The following NOTCH3 variants were observed in gnomAD, a reference collection of about 807,000 sequenced individuals.
NOTCH3 encodes the protein neurogenic locus notch homolog protein 3.
In NOTCH3, 86 loss-of-function variants were observed where a neutral mutation model predicts 213.3. That is an observed-to-expected ratio of 0.40 (90% CI 0.34 to 0.48). NOTCH3 has a LOEUF of 0.48. Ranked by LOEUF, NOTCH3 falls within the 20% of genes least tolerant of loss-of-function variation. NOTCH3 has a pLI of 0.57. For missense variants in NOTCH3, 2,783 were observed against 3,272.6 expected, an observed-to-expected ratio of 0.85 and a Z score of 3.65; for synonymous variants, 1,354 against 1,355.9, an observed-to-expected ratio of 1.00 and a Z score of 0.03.
At position 15,197,648 on chromosome 19, in the gene NOTCH3, C is replaced by G. The variant is rs977898629; in HGVS notation, c.119-70G>C. 5 of 1,327,902 alleles carry G rather than the reference C, an allele frequency of 3.8e-6. No individual in the cohort carries two copies. In the African/African-American group the frequency reaches 5.7e-5, roughly 15 times the overall value. The allele number at this position is 1,327,902 out of a possible 1,614,324, so 82.3% of individuals were successfully genotyped here. ...GAACCCCAGGCCCAAGTGACAAACC[C>G]CCTCCCTCCCTCCACCAGGCAACAG... On this transcript the variant is annotated intron_variant, in intron 1 of 32. Transcript: ENST00000263388.
chr19:15,175,879 G>C (rs778963989), intron 24 of NOTCH3, among the ~76,000 whole-genome samples: 15 of 151,582 alleles, frequency 9.9e-5, no homozygotes, highest in Non-Finnish European at 1.6e-4. Context: ...GAGTGAGTGA[G>C]GGGAAAGCAG....
chr19:15,197,166 A>G (rs1162381007), intron 2 of NOTCH3, among the ~76,000 whole-genome samples: 1 of 151,936 alleles, frequency 6.6e-6, no homozygotes, highest in Non-Finnish European at 1.5e-5. Flanking sequence ...AATAATACCT[A>G]CCTCATGGGG....
At position 15,180,870 on chromosome 19, in the gene NOTCH3, G is replaced by A. The variant is rs760079227; in HGVS notation, c.2995-42C>T. On this transcript the variant is annotated intron_variant, in intron 18 of 32. Transcript: ENST00000263388. ...CAGAGTCAGTACTGTGGGGTGGGGG[G>A]TAGTCTGGGAGAAACTGTGCCCCGA... 6 of 1,608,488 alleles carry A rather than the reference G, an allele frequency of 3.7e-6. No homozygotes were observed. The African/African-American group carries it at 5.3e-5, about 14-fold the overall frequency.
Position 15,159,714 on chromosome 19 carries a change from G to A in NOTCH3, c.*948C>T, listed in dbSNP as rs2046623678. 4.3e-6 allele frequency: 1 copy of A among 232,982 alleles called. No individual in the cohort carries two copies. Among genetic ancestry groups the A allele is most frequent in the East Asian group, 6.0e-5 (1 of 16,550 alleles). The allele number at this position is 232,982 out of a possible 1,614,324, so 14.4% of individuals were successfully genotyped here. ...AGGGCTTGGGAATTCAGCTACACAG[G>A]GATTTTGACCAGAAGCCATATTACA... On this transcript the variant is annotated 3_prime_UTR_variant, in exon 33 of 33. Transcript: ENST00000263388.
intron 24 of NOTCH3, among the ~76,000 whole-genome samples, chr19:15,175,585 GTA>G (rs762355254): frequency 0.17 from 19,491 of 112,356 alleles, 2,011 homozygotes; most frequent in African/African-American, 0.3. Context: ...GTATATATAT[GTA>G]TATACACACA....
rs2145417256 is a variant in NOTCH3 at position 15,179,010 on chromosome 19, T to C, written c.3718+15A>G. The C allele has an allele frequency of 1.9e-6, 3 of 1,614,202 alleles. No homozygotes were observed. Among genetic ancestry groups the C allele is most frequent in the Non-Finnish European group, 1.7e-6 (2 of 1,180,030 alleles). On this transcript the variant is annotated intron_variant, in intron 22 of 32. Coordinates refer to ENST00000263388, the MANE Select transcript of NOTCH3 (RefSeq NM_000435.3). ...ACAGGCGGGGTCCCAGGCCAGCCCC[T>C]TCGCCAACGCTTACCTGAGAAGCCA... is the stretch of plus-strand genomic sequence containing the variant.
chr19:15,170,880 CT>C, intron 25 of NOTCH3, 55 bp from the exon 26 acceptor site: 1 of 1,590,342 alleles, frequency 6.3e-7, no homozygotes, highest in Non-Finnish European at 8.6e-7. Context: ...GATGCACCCC[CT>C]GGTACCAAGC....
At chr19:15,173,761 AGAAGGAGAAGGAGAAGGAGAAGGAG>A (rs2046762168) in intron 25 of NOTCH3, among the ~76,000 whole-genome samples, 2 of 2,804 alleles carry the variant, frequency 7.1e-4, no homozygotes, top group African/African-American at 0.012. Flanking sequence ...AAGGAGAAGG[AGAAGGAGAAGGAGAAGGAGAAGGAG>A]AAGAAGAAGA....
intron 11 of NOTCH3, 50 bp downstream of exon 11, chr19:15,187,055 C>G: frequency 6.2e-7 from 1 of 1,605,850 alleles, no homozygotes; most frequent in Non-Finnish European, 8.5e-7. Flanking sequence ...ATTCCCAAAC[C>G]CTCTGTGCCC....
At position 15,192,072 on chromosome 19, in the gene NOTCH3, G is replaced by A; in HGVS notation, c.567C>T (p.Tyr189=). ...CGGGGTTCTCACATAGTGGCCCTGT[G>A]TAGCCAGCTGGACACTGGCAGCGGA... The part of the protein sequence containing the change: ...GSFRCQCPAG[Y]TGPLCENPAV... The change falls in exon 4 of 33, where the codon TAC becomes TAT. Residue 189 remains tyrosine, a synonymous_variant. Coordinates refer to ENST00000263388, the MANE Select transcript of NOTCH3 (RefSeq NM_000435.3). 1 of 1,613,266 alleles carries A rather than the reference G, an allele frequency of 6.2e-7. No individual in the cohort carries two copies. Among genetic ancestry groups the A allele is most frequent in the Admixed American group, 1.7e-5 (1 of 60,024 alleles).
chr19:15,178,384 A>G, intron 23 of NOTCH3: 1 of 459,346 alleles, frequency 2.2e-6, no homozygotes, highest in Non-Finnish European at 3.9e-6. Context: ...ATGTCGGGGC[A>G]GGGGGTTGTT....
At chr19:15,200,697 C>T (rs1599403699) in intron 1 of NOTCH3, 91 bp downstream of exon 1, 3 of 1,011,790 alleles carry the variant, frequency 3.0e-6, no homozygotes, top group African/African-American at 1.7e-5. Context: ...TGGTTCCTGC[C>T]TCCCATGAAC....
At chr19:15,190,051 C>T (rs1056340330) in intron 6 of NOTCH3, among the ~76,000 whole-genome samples, 5 of 151,956 alleles carry the variant, frequency 3.3e-5, no homozygotes, top group African/African-American at 1.2e-4. Context: ...AAGGTGAGTG[C>T]ATCGCTTGAG....
chr19:15,179,484 A>C lies in NOTCH3; in HGVS notation c.3340T>G (p.Tyr1114Asp), dbSNP rs199511490. ...TCGTCCTCACAGTTATCACCATTGT[A>C]GCCAGGAAGACACTTCAGTGGGGTA... ...GGYMCECLPG[Y>D]NGDNCEDDVD... The change falls in exon 21 of 33, where the codon TAC (tyrosine) becomes GAC (aspartate). Residue 1114 changes from tyrosine (Y) to aspartate (D), a missense_variant. This residue lies in a region of NOTCH3 where 861 missense variants were observed against 909.1 expected (regional missense o/e 0.95). Coordinates refer to ENST00000263388, the MANE Select transcript of NOTCH3 (RefSeq NM_000435.3). 6.2e-7 allele frequency: 1 copy of C among 1,613,886 alleles called. No individual in the cohort carries two copies. The highest frequency in any genetic ancestry group is 8.5e-7 in the Non-Finnish European group (1 of 1,180,014).
chr19:15,173,469 T>C (rs969380409), intron 25 of NOTCH3, among the ~76,000 whole-genome samples: 9 of 142,238 alleles, frequency 6.3e-5, no homozygotes, highest in African/African-American at 2.1e-4. Flanking sequence ...AGTCTTGCTA[T>C]GTTGCCCAGG....
intron 17 of NOTCH3, 138 bp downstream of exon 17, chr19:15,181,438 T>C: frequency 1.3e-6 from 1 of 747,848 alleles, no homozygotes; most frequent in Non-Finnish European, 2.2e-6. Context: ...TCCCTGGCCC[T>C]GCCCCATCAG....
In NOTCH3 at chr19:15,180,750, G is replaced by C. The variant is rs2046832953; in HGVS notation, c.3073C>G (p.Pro1025Ala). ...CAGAGGCGTCCGCTCCATCCAGGGG[G>C]ACAAAGGCAATAGGCCCCAGTCTGG... is the stretch of plus-strand genomic sequence containing the variant. ...CVQTGAYCLCPPGWSGRLCDI... is the reference protein window; with the variant it reads ...CVQTGAYCLCAPGWSGRLCDI... Residue 1025 changes from proline (P) to alanine (A), a missense_variant, in exon 19 of 33, where the codon CCC becomes GCC. This residue lies in a region of NOTCH3 where 861 missense variants were observed against 909.1 expected (regional missense o/e 0.95). Coordinates refer to ENST00000263388, the MANE Select transcript of NOTCH3 (RefSeq NM_000435.3). The C allele has an allele frequency of 1.3e-6, 2 of 1,593,788 alleles. No individual in the cohort carries two copies. The highest frequency in any genetic ancestry group is 1.7e-6 in the Non-Finnish European group (2 of 1,171,086).
At chr19:15,187,720 A>T (rs1443146907) in intron 10 of NOTCH3, among the ~76,000 whole-genome samples, 161 bp downstream of exon 10, 1 of 151,646 alleles carries the variant, frequency 6.6e-6, no homozygotes, top group African/African-American at 2.4e-5. Flanking sequence ...ACGTAGCCTT[A>T]TGTCAGTCTA....
Position 15,184,460 on chromosome 19 carries a change from G to T in NOTCH3, c.2411-10C>A, listed in dbSNP as rs2145427946. The T allele has an allele frequency of 6.2e-7, 1 of 1,613,594 alleles. No homozygotes were observed. Among genetic ancestry groups the T allele is most frequent in the South Asian group, 1.1e-5 (1 of 91,046 alleles). ...TGCTGGCATCGTGGGCCTGGGGGTA[G>T]GGAGCAAGGTTACACCTAGGGTTAC... is the stretch of plus-strand genomic sequence containing the variant. On this transcript the variant is annotated splice_polypyrimidine_tract_variant and intron_variant, in intron 15 of 32. Coordinates refer to ENST00000263388, the MANE Select transcript of NOTCH3 (RefSeq NM_000435.3).
Sources: gnomAD v4.1 joint callset for allele counts (sites outside exome capture counted in the v4.1 genomes callset) on GRCh38, gnomAD v4.1.1 for gene constraint, gnomAD v4.1.1 regional missense constraint, MANE v1.5 for transcripts, NCBI Gene and HGNC (gene_info 2026-07-23, HGNC 2026-07-21) for gene names.